The following RNF150 variants were observed in gnomAD, a reference collection of about 807,000 sequenced individuals.
The protein encoded by RNF150 is ring finger protein 150.
RNF150 carries 24 observed loss-of-function variants against 39.3 expected under a neutral mutation model. The observed-to-expected ratio is 0.61, with a 90% CI of 0.44 to 0.86. RNF150 has a LOEUF of 0.86. Among genes scored for constraint, RNF150 ranks in the 40% least tolerant of loss-of-function variants. The pLI is 0.00. For missense variants in RNF150, 502 were observed against 587.8 expected, an observed-to-expected ratio of 0.85 and a Z score of 1.51; for synonymous variants, 255 against 227.3, an observed-to-expected ratio of 1.12 and a Z score of -1.10.
chr4:140,986,392 C>G (rs1417285314), intron 1 of RNF150, among the ~76,000 whole-genome samples: 2 of 152,030 alleles, frequency 1.3e-5, no homozygotes, highest in Non-Finnish European at 2.9e-5. Context: ...TGGTTTTGTT[C>G]TTTCTGAAAG....
At chr4:141,184,392 C>G (rs760625383) in intron 1 of RNF150, among the ~76,000 whole-genome samples, 19 of 152,138 alleles carry the variant, frequency 1.2e-4, no homozygotes, top group Non-Finnish European at 2.8e-4. Context: ...TTCGTAGATT[C>G]TGGATATTAG....
intron 1 of RNF150, among the ~76,000 whole-genome samples, chr4:140,969,215 T>C (rs578238943): frequency 5.9e-5 from 9 of 152,248 alleles, no homozygotes; most frequent in African/African-American, 2.2e-4. Context: ...TCCTTGATGG[T>C]GTTTCACTTA....
At chr4:141,027,580 G>C (rs1350634446) in intron 1 of RNF150, among the ~76,000 whole-genome samples, 1 of 152,152 alleles carries the variant, frequency 6.6e-6, no homozygotes, top group Non-Finnish European at 1.5e-5. Context: ...ATATAGCCAT[G>C]TGACTAAATC....
At chr4:140,895,359 A>T (rs1729904245) in intron 6 of RNF150, among the ~76,000 whole-genome samples, 1 of 152,258 alleles carries the variant, frequency 6.6e-6, no homozygotes, top group Non-Finnish European at 1.5e-5. Context: ...GGCATATTAT[A>T]AGCATAGCTA....
intron 1 of RNF150, among the ~76,000 whole-genome samples, chr4:141,187,562 T>G (rs375970246): frequency 2.0e-5 from 3 of 152,234 alleles, no homozygotes; most frequent in Non-Finnish European, 4.4e-5. Flanking sequence ...ATATTTAGGA[T>G]AGTTAACTCT....
In RNF150 at chr4:140,912,091, T is replaced by C. The variant is rs146497094; in HGVS notation, c.988-737A>G. Among the ~76,000 whole-genome samples the C allele has an allele frequency of 2.6e-5, 4 of 152,326 alleles. No homozygotes were observed. In the East Asian group the frequency reaches 5.8e-4, roughly 22 times the overall value. On this transcript the variant is annotated intron_variant, in intron 5 of 6. Coordinates refer to ENST00000515673, the MANE Select transcript of RNF150 (RefSeq NM_020724.2). ...CATTGACAGCTTCCCTTGAAGAACATAGCAATGGGAGCTCTCTGCTTTGCA... is the reference window on the plus strand; with the variant it reads ...CATTGACAGCTTCCCTTGAAGAACACAGCAATGGGAGCTCTCTGCTTTGCA...
At chr4:140,991,394 T>C (rs1734192996) in intron 1 of RNF150, among the ~76,000 whole-genome samples, 1 of 152,224 alleles carries the variant, frequency 6.6e-6, no homozygotes, top group Non-Finnish European at 1.5e-5. Flanking sequence ...CAATTGCTTT[T>C]GGTGATTTTG....
intron 1 of RNF150, among the ~76,000 whole-genome samples, chr4:141,109,896 G>T (rs1739331541): frequency 6.6e-6 from 1 of 152,098 alleles, no homozygotes; most frequent in Non-Finnish European, 1.5e-5. Flanking sequence ...GCCAATTTAG[G>T]TCTCCAAACA....
intron 1 of RNF150, among the ~76,000 whole-genome samples, chr4:141,069,945 C>T (rs534137204): frequency 6.6e-6 from 1 of 152,052 alleles, no homozygotes; most frequent in Non-Finnish European, 1.5e-5. Context: ...TGATTCTTCT[C>T]TCTTTTTTTC....
chr4:141,117,933 A>G (rs1238063407), intron 1 of RNF150, among the ~76,000 whole-genome samples: 1 of 152,238 alleles, frequency 6.6e-6, no homozygotes, highest in East Asian at 1.9e-4. Context: ...GCCTTGGCTT[A>G]TTCAAAAAAT....
chr4:141,006,196 T>TTA (rs1734862528), intron 1 of RNF150, among the ~76,000 whole-genome samples: 2 of 151,352 alleles, frequency 1.3e-5, no homozygotes, highest in African/African-American at 4.9e-5. Context: ...AGGAAGGAAA[T>TTA]TATATATATA....
At chr4:141,136,664 C>T (rs1271660909), upstream of RNF150, among the ~76,000 whole-genome samples, 3 of 152,166 alleles carry the variant, frequency 2.0e-5, no homozygotes, top group East Asian at 1.9e-4. Context: ...CAATAATTAT[C>T]GAGCACCTGT....
chr4:141,068,500 C>A (rs918858097), intron 1 of RNF150, among the ~76,000 whole-genome samples: 3 of 152,044 alleles, frequency 2.0e-5, no homozygotes, highest in African/African-American at 7.2e-5. Context: ...TGTGATGCCT[C>A]CAGCTTTGTT....
Position 141,132,651 on chromosome 4 carries a change from G to C in RNF150, c.158C>G (p.Pro53Arg), listed in dbSNP as rs753934087. 2.5e-6 allele frequency: 4 copies of C among 1,601,674 alleles called. No individual in the cohort carries two copies. The highest frequency in any genetic ancestry group is 1.1e-5 in the South Asian group (1 of 89,966). ...FVNITYAEPA[P>R]DPGAGAAGGG... is the part of the protein sequence containing the mutation. ...GCCCGCCGCCCCGGCCCCGGGGTCC[G>C]GCGCGGGCTCGGCGTAGGTGATGTT... Residue 53 changes from proline to arginine, a missense_variant, in exon 1 of 7, where the codon CCG (proline) becomes CGG (arginine). Transcript: ENST00000515673. This position sits in a 1 kb window ranked among gnomAD's most constrained non-coding sequence, Gnocchi z 4.9.
rs185502593 is a variant in RNF150 at position 140,878,288 on chromosome 4, A to C, written c.1199-9909T>G. ...CAGGCTCAAGCAATTCTTGTGCCTC[A>C]GCCTCCTGAGTAGCTGGGATTACAG... On this transcript the variant is annotated intron_variant, in intron 6 of 6. Coordinates refer to ENST00000515673, the MANE Select transcript of RNF150 (RefSeq NM_020724.2). Among the ~76,000 whole-genome samples the C allele has an allele frequency of 5.6e-3, 827 of 147,052 alleles. 7 individuals are homozygous for C. Among genetic ancestry groups the C allele is most frequent in the African/African-American group, 0.019 (759 of 40,018 alleles).
At chr4:140,968,421 G>C (rs1392398233) in intron 1 of RNF150, among the ~76,000 whole-genome samples, 2 of 151,810 alleles carry the variant, frequency 1.3e-5, no homozygotes, top group Non-Finnish European at 2.9e-5. Context: ...AACCAAAAAA[G>C]AACATTAAGA....
chr4:140,969,261 G>A (rs1733363664), intron 1 of RNF150, among the ~76,000 whole-genome samples: 1 of 152,096 alleles, frequency 6.6e-6, no homozygotes, highest in Non-Finnish European at 1.5e-5. Flanking sequence ...ATATTAAAGT[G>A]TCTGTGTATG....
At chr4:141,020,614 T>A (rs1173368908) in intron 1 of RNF150, among the ~76,000 whole-genome samples, 1 of 152,172 alleles carries the variant, frequency 6.6e-6, no homozygotes, top group Non-Finnish European at 1.5e-5. Context: ...GCTATGGGCA[T>A]CTTCATCAAG....
At chr4:141,106,105 T>C (rs1390691447) in intron 1 of RNF150, among the ~76,000 whole-genome samples, 1 of 152,360 alleles carries the variant, frequency 6.6e-6, no homozygotes, top group South Asian at 2.1e-4. Flanking sequence ...TCTACTTCTC[T>C]GATAACTGCT....
Sources: gnomAD v4.1 joint callset for allele counts (sites outside exome capture counted in the v4.1 genomes callset) on GRCh38, gnomAD v4.1.1 for gene constraint, Gnocchi (gnomAD v3.1) non-coding constraint, MANE v1.5 for transcripts, NCBI Gene and HGNC (gene_info 2026-07-23, HGNC 2026-07-21) for gene names.